The following GPAM variants were observed in gnomAD, a reference collection of about 807,000 sequenced individuals.
The protein encoded by GPAM is glycerol-3-phosphate acyltransferase 1, mitochondrial.
A neutral mutation model predicts 105.0 loss-of-function variants in GPAM; 56 were observed. That is an observed-to-expected ratio of 0.53 (90% CI 0.43 to 0.67). The LOEUF (loss-of-function observed/expected upper bound fraction) is 0.67. GPAM is among the 30% of genes least tolerant of loss of function. The pLI is 0.00. For synonymous variants in GPAM, 368 were observed against 354.4 expected, an observed-to-expected ratio of 1.04 and a Z score of -0.43; for missense variants, 855 against 989.8, an observed-to-expected ratio of 0.86 and a Z score of 1.83.
Position 112,157,360 on chromosome 10 carries a change from A to G in GPAM, c.2010T>C (p.Ser670=). ...TCTTGTCCCACTGCTGCTCAGCAAG[A>G]CTAGGACTGATATCTTCCTGGTCAT... ...EHDDQEDISP[S]LAEQQWDKKL... The change falls in exon 19 of 22, where the codon AGT becomes AGC. Residue 670 remains serine (S), a synonymous_variant. Transcript: ENST00000348367. The G allele has an allele frequency of 1.2e-6, 2 of 1,613,900 alleles. No individual in the cohort carries two copies. The highest frequency in any genetic ancestry group is 2.2e-5 in the South Asian group (2 of 91,088).
chr10:112,167,335 T>C (rs1239680919), intron 11 of GPAM, among the ~76,000 whole-genome samples: 1 of 152,196 alleles, frequency 6.6e-6, no homozygotes, highest in Admixed American at 6.5e-5. Context: ...AAAACCATTC[T>C]GATAAAGTGG....
At chr10:112,214,946 G>A (rs1358173041) in intron 1 of GPAM, among the ~76,000 whole-genome samples, 1 of 152,192 alleles carries the variant, frequency 6.6e-6, no homozygotes, top group Admixed American at 6.5e-5. Flanking sequence ...TCACAAACGT[G>A]CTTGCACCTC....
At position 112,154,575 on chromosome 10, in the gene GPAM, C is replaced by T. The variant is rs897911521; in HGVS notation, c.2370+54G>A. On this transcript the variant is annotated intron_variant, in intron 21 of 21. Transcript: ENST00000348367. Reference sequence around the variant, plus strand: ...CAAAGGTAGCTCAAACAGACTAGATCTAAAGAGAACAGAAGTTGAGATAGC... The same window carrying T: ...CAAAGGTAGCTCAAACAGACTAGATTTAAAGAGAACAGAAGTTGAGATAGC... 3.1e-6 allele frequency: 4 copies of T among 1,270,592 alleles called. No individual in the cohort carries two copies. In the Admixed American group the frequency reaches 6.7e-5, roughly 21 times the overall value. 78.7% of individuals were successfully genotyped at this position (1,270,592 alleles called of 1,614,324 possible). A position where few individuals can be genotyped will look rare whatever the true frequency, so the allele number is the denominator to read the frequency against.
Position 112,207,786 on chromosome 10 carries a change from T to A in GPAM, n.210+7382A>T, listed in dbSNP as rs137971949. ...CCACCAATATCACGCTCAAGATATA[T>A]CTTTGACCTCAAGAAGCACTCAACC... is the stretch of plus-strand genomic sequence containing the variant. On this transcript the variant is annotated intron_variant and non_coding_transcript_variant, in intron 1 of 3. Transcript: ENST00000480130. Among the ~76,000 whole-genome samples the A allele has an allele frequency of 4.6e-5, 7 of 152,256 alleles. No individual in the cohort carries two copies. The East Asian group carries it at 9.7e-4, about 21-fold the overall frequency.
At position 112,151,645 on chromosome 10, in the gene GPAM, G is replaced by A. The variant is rs1214764790; in HGVS notation, c.*1905C>T. On this transcript the variant is annotated 3_prime_UTR_variant, in exon 22 of 22. Transcript: ENST00000348367. ...TAGGTTGGCAAAGCAGCAGCTCTTT[G>A]CAGCAATGACAGGCAGGGCAGAGTG... 2 of 985,296 alleles carry A rather than the reference G, an allele frequency of 2.0e-6. No homozygotes were observed. The highest frequency in any genetic ancestry group is 3.5e-5 in the African/African-American group (2 of 57,238). The allele number at this position is 985,296 out of a possible 1,614,324, so 61.0% of individuals were successfully genotyped here.
upstream of GPAM, among the ~76,000 whole-genome samples, chr10:112,187,954 A>T (rs1476329929): frequency 6.6e-6 from 1 of 152,200 alleles, no homozygotes; most frequent in Non-Finnish European, 1.5e-5. Context: ...TCATGCTGTA[A>T]AAAAGAAAAA....
At chr10:112,172,930 T>A in intron 8 of GPAM, 40 bp downstream of exon 8, 1 of 1,044,984 alleles carries the variant, frequency 9.6e-7, no homozygotes, top group Non-Finnish European at 1.5e-6. Flanking sequence ...ACTCTACAAT[T>A]GAGGGGAAAA....
At chr10:112,195,880 A>C (rs11195838) in intron 1 of GPAM, among the ~76,000 whole-genome samples, 1 of 152,296 alleles carries the variant, frequency 6.6e-6, no homozygotes, top group South Asian at 2.1e-4. Flanking sequence ...GGAACCACAG[A>C]GTTTGGGGGC....
rs535137558 is a variant in GPAM at position 112,150,172 on chromosome 10, T to C, written c.*3378A>G. 40 of 985,270 alleles carry C rather than the reference T, an allele frequency of 4.1e-5. No individual in the cohort carries two copies. In the South Asian group the frequency reaches 1.6e-3, roughly 39 times the overall value. 61.0% of individuals were successfully genotyped at this position (985,270 alleles called of 1,614,324 possible). A position where few individuals can be genotyped will look rare whatever the true frequency, so the allele number is the denominator to read the frequency against. Reference sequence around the variant, plus strand: ...AAATGCCAGACGGCAAGTCTCAGGTTTCTAAAATAGTTTTAAAAAACAGGT... The same window carrying C: ...AAATGCCAGACGGCAAGTCTCAGGTCTCTAAAATAGTTTTAAAAAACAGGT... On this transcript the variant is annotated 3_prime_UTR_variant, in exon 22 of 22. Coordinates refer to ENST00000348367, the MANE Select transcript of GPAM (RefSeq NM_001244949.2).
intron 9 of GPAM, among the ~76,000 whole-genome samples, chr10:112,170,000 C>T (rs1847285859): frequency 6.6e-6 from 1 of 152,056 alleles, no homozygotes; most frequent in Non-Finnish European, 1.5e-5. Flanking sequence ...CAGTTGGGAC[C>T]GTCTAGTGAT....
chr10:112,154,077 T>C (rs913610227), intron 21 of GPAM: 11 of 193,134 alleles, frequency 5.7e-5, no homozygotes, highest in Admixed American at 1.6e-4. Context: ...CTTGTAAAAA[T>C]ACAAGAAAGT....
At chr10:112,167,709 T>C (rs1375511025) in intron 11 of GPAM, among the ~76,000 whole-genome samples, 1 of 152,224 alleles carries the variant, frequency 6.6e-6, no homozygotes, top group African/African-American at 2.4e-5. Flanking sequence ...GCGGGGATGA[T>C]GATAGGAGAA....
intron 4 of GPAM, among the ~76,000 whole-genome samples, chr10:112,180,191 C>T (rs1262622373): frequency 6.6e-6 from 1 of 152,126 alleles, no homozygotes; most frequent in Non-Finnish European, 1.5e-5. Context: ...CCCACTAACT[C>T]CTTTGAAGAC....
intron 17 of GPAM, 36 bp from the exon 18 acceptor site, chr10:112,158,429 AT>A: frequency 8.0e-7 from 1 of 1,251,684 alleles, no homozygotes; most frequent in Non-Finnish European, 1.2e-6. Context: ...AAATGCCACC[AT>A]TTTATACTTC....
intron 19 of GPAM, chr10:112,156,427 T>A: frequency 3.3e-6 from 1 of 305,672 alleles, no homozygotes; most frequent in Non-Finnish European, 6.3e-6. Context: ...CACTCAAGTC[T>A]GCAGAAAGAC....
Position 112,150,696 on chromosome 10 carries a change from A to G in GPAM, c.*2854T>C, listed in dbSNP as rs1347295616. 1 of 948,180 alleles carries G rather than the reference A, an allele frequency of 1.1e-6. No homozygotes were observed. The highest frequency in any genetic ancestry group is 1.8e-5 in the African/African-American group (1 of 56,480). The allele number at this position is 948,180 out of a possible 1,614,324, so 58.7% of individuals were successfully genotyped here. ...GGGTTAGACAGTTTTTCACTACCGGATGCCAAGCCCTTACTGCGCTAAAGT... is the reference window on the plus strand; with the variant it reads ...GGGTTAGACAGTTTTTCACTACCGGGTGCCAAGCCCTTACTGCGCTAAAGT... On this transcript the variant is annotated 3_prime_UTR_variant, in exon 22 of 22. Coordinates refer to ENST00000348367, the MANE Select transcript of GPAM (RefSeq NM_001244949.2).
Position 112,202,747 on chromosome 10 carries a change from C to T in GPAM, n.210+12421G>A, listed in dbSNP as rs188866229. Among the ~76,000 whole-genome samples the T allele has an allele frequency of 2.0e-5, 3 of 152,320 alleles. No homozygotes were observed. The East Asian group carries it at 5.8e-4, about 29-fold the overall frequency. The stretch of plus-strand genomic sequence containing the variant: ...TCTTCTTTCAACCATGGAGCCTGGA[C>T]ACCTCAGTCTTTCCTTCTCAAGCAA... On this transcript the variant is annotated intron_variant and non_coding_transcript_variant, in intron 1 of 3. Coordinates refer to the GPAM transcript ENST00000480130.
At chr10:112,177,018 C>G (rs1847418565) in intron 5 of GPAM, among the ~76,000 whole-genome samples, 1 of 152,028 alleles carries the variant, frequency 6.6e-6, no homozygotes, top group Non-Finnish European at 1.5e-5. Context: ...GATCCCTTTT[C>G]TTAGGATCTT....
chr10:112,159,120 C>T (rs1305967937), intron 17 of GPAM, among the ~76,000 whole-genome samples: 1 of 151,836 alleles, frequency 6.6e-6, no homozygotes, highest in African/African-American at 2.4e-5. Context: ...TGATAAATGC[C>T]TAAAAGTGTT....
Sources: gnomAD v4.1 joint callset for allele counts (sites outside exome capture counted in the v4.1 genomes callset) on GRCh38, gnomAD v4.1.1 for gene constraint, MANE v1.5 for transcripts, NCBI Gene and HGNC (gene_info 2026-07-23, HGNC 2026-07-21) for gene names.